The following MEOX2 variants were observed in gnomAD, a reference collection of about 807,000 sequenced individuals.
MEOX2 encodes the protein homeobox protein MOX-2.
In MEOX2, 11 loss-of-function variants were observed where a neutral mutation model predicts 27.0. The ratio of observed to expected loss-of-function variants is 0.41; its 90% confidence interval spans 0.26 to 0.68. The LOEUF (loss-of-function observed/expected upper bound fraction) is 0.68. Ranked by LOEUF, MEOX2 falls within the 30% of genes least tolerant of loss-of-function variation. The pLI is 0.33. For missense variants in MEOX2, 436 were observed against 385.4 expected, an observed-to-expected ratio of 1.13 and a Z score of -1.10; for synonymous variants, 189 against 155.4, an observed-to-expected ratio of 1.22 and a Z score of -1.61.
intron 1 of MEOX2, among the ~76,000 whole-genome samples, chr7:15,657,847 C>T (rs1781848872): frequency 6.6e-6 from 1 of 152,180 alleles, no homozygotes; most frequent in Non-Finnish European, 1.5e-5. Flanking sequence ...CCTTCTGTTT[C>T]AGCAGCTTCT....
intron 1 of MEOX2, chr7:15,675,988 T>C (rs1351698664): frequency 6.6e-6 from 1 of 152,224 alleles, no homozygotes; most frequent in East Asian, 1.9e-4. Flanking sequence ...GTGATTTTAA[T>C]ATAATGCTTG....
chr7:15,652,666 A>T (rs1243324408), intron 1 of MEOX2, among the ~76,000 whole-genome samples: 2 of 152,022 alleles, frequency 1.3e-5, no homozygotes, highest in Non-Finnish European at 2.9e-5. Flanking sequence ...CTATTTCTGC[A>T]AGTTCTCTAT....
intron 1 of MEOX2, among the ~76,000 whole-genome samples, chr7:15,648,726 A>G (rs755482128): frequency 6.6e-6 from 1 of 152,088 alleles, no homozygotes; most frequent in Non-Finnish European, 1.5e-5. Flanking sequence ...CTGAACTAGG[A>G]TGTAGCGAAA....
intron 1 of MEOX2, among the ~76,000 whole-genome samples, chr7:15,646,110 C>A (rs913376802): frequency 2.0e-5 from 3 of 152,000 alleles, no homozygotes; most frequent in Non-Finnish European, 4.4e-5. Context: ...AGAATAGCAA[C>A]AAACTTGGCA....
rs530131998 is a variant in MEOX2 at position 15,666,694 on chromosome 7, G to GT, written c.517+19191dup. 2.3e-4 allele frequency among the ~76,000 whole-genome samples: 32 copies of GT among 140,550 alleles called. No individual in the cohort carries two copies. In the East Asian group the frequency reaches 6.5e-3, roughly 28 times the overall value. 92.2% of individuals were successfully genotyped at this position (140,550 alleles called of 152,430 possible). On this transcript the variant is annotated intron_variant, in intron 1 of 2. Transcript: ENST00000262041. ...TTGAACCTGGGAGGCGGAGGTTGCA[G>GT]TGAGCCGAGATCGTGCCACTGCACT...
At chr7:15,654,855 A>G (rs1411587796) in intron 1 of MEOX2, among the ~76,000 whole-genome samples, 43 of 151,742 alleles carry the variant, frequency 2.8e-4, no homozygotes, top group Non-Finnish European at 8.9e-5. Flanking sequence ...TTCTTCTGTT[A>G]TACTGACTGT....
chr7:15,615,772 G>A (rs917140055), intron 2 of MEOX2, among the ~76,000 whole-genome samples: 1 of 151,986 alleles, frequency 6.6e-6, no homozygotes, highest in African/African-American at 2.4e-5. Flanking sequence ...GACAATTCCA[G>A]ATGGAAGAAA....
At chr7:15,672,106 A>G (rs1782109663) in intron 1 of MEOX2, among the ~76,000 whole-genome samples, 1 of 151,564 alleles carries the variant, frequency 6.6e-6, no homozygotes, top group African/African-American at 2.4e-5. Flanking sequence ...AAAAACAAAA[A>G]AAACAAAAAA....
intron 1 of MEOX2, among the ~76,000 whole-genome samples, chr7:15,669,848 G>GA (rs1033224240): frequency 8.5e-5 from 13 of 152,182 alleles, no homozygotes; most frequent in African/African-American, 3.1e-4. Flanking sequence ...CATCTATTGA[G>GA]AGGCTTTAAA....
chr7:15,658,081 G>C (rs750983245), intron 1 of MEOX2, among the ~76,000 whole-genome samples: 1 of 152,234 alleles, frequency 6.6e-6, no homozygotes, highest in Non-Finnish European at 1.5e-5. Context: ...CTAATACCAC[G>C]GAGTGGGTAG....
chr7:15,635,851 T>C (rs1781471865), intron 1 of MEOX2, among the ~76,000 whole-genome samples: 1 of 151,982 alleles, frequency 6.6e-6, no homozygotes, highest in Admixed American at 6.6e-5. Flanking sequence ...AATTACAATT[T>C]TCCAAGGAAC....
At chr7:15,649,414 T>C (rs73679853) in intron 1 of MEOX2, among the ~76,000 whole-genome samples, 3,939 of 152,098 alleles carry the variant, frequency 0.026, 170 homozygotes, top group African/African-American at 0.089. Context: ...AGAAAAGAGA[T>C]AGAAGCATCT....
chr7:15,676,759 G>A (rs1782199819), intron 1 of MEOX2, among the ~76,000 whole-genome samples: 1 of 151,796 alleles, frequency 6.6e-6, no homozygotes, highest in South Asian at 2.1e-4. Flanking sequence ...TCAGGAGGCT[G>A]AGGCAGGAGA....
chr7:15,682,360 T>C (rs1037211420), intron 1 of MEOX2, among the ~76,000 whole-genome samples: 4 of 151,852 alleles, frequency 2.6e-5, no homozygotes, highest in Non-Finnish European at 4.4e-5. Flanking sequence ...ACTCTGAGTT[T>C]AAGTTCCAAC....
chr7:15,671,154 T>C (rs1782089690), intron 1 of MEOX2, among the ~76,000 whole-genome samples: 1 of 152,198 alleles, frequency 6.6e-6, no homozygotes, highest in Non-Finnish European at 1.5e-5. Context: ...AGCTCCATTC[T>C]AGATGAACTT....
At chr7:15,621,131 C>T (rs1221889603) in intron 2 of MEOX2, among the ~76,000 whole-genome samples, 1 of 152,140 alleles carries the variant, frequency 6.6e-6, no homozygotes, top group East Asian at 1.9e-4. Flanking sequence ...AGACTGAGTT[C>T]TCTGCAAATC....
intron 1 of MEOX2, among the ~76,000 whole-genome samples, chr7:15,637,225 C>A (rs1020565495): frequency 2.6e-5 from 4 of 151,922 alleles, no homozygotes; most frequent in African/African-American, 9.7e-5. Context: ...AATGATACGG[C>A]ATTAAGTTTC....
At chr7:15,660,205 A>G (rs751022887) in intron 1 of MEOX2, among the ~76,000 whole-genome samples, 20 of 152,196 alleles carry the variant, frequency 1.3e-4, no homozygotes, top group Non-Finnish European at 2.4e-4. Context: ...CTAGAAACAC[A>G]AAAGAGCACA....
rs1782393788 is a variant in MEOX2 at position 15,686,655 on chromosome 7, AAAG to A, written c.-256_-254del. 3.9e-6 allele frequency: 2 copies of A among 507,626 alleles called. No homozygotes were observed. The highest frequency in any genetic ancestry group is 6.9e-6 in the Non-Finnish European group (2 of 288,524). The allele number at this position is 507,626 out of a possible 1,614,324, so 31.4% of individuals were successfully genotyped here. On this transcript the variant is annotated 5_prime_UTR_variant, in exon 1 of 3. Coordinates refer to ENST00000262041, the MANE Select transcript of MEOX2 (RefSeq NM_005924.5). ...TCAAGAGTGGGAGAGGTTGAAGCCA[AAAG>A]AAGGTGGTCCCAGAGAACTGCTTTC...
Sources: gnomAD v4.1 joint callset for allele counts (sites outside exome capture counted in the v4.1 genomes callset) on GRCh38, gnomAD v4.1.1 for gene constraint, MANE v1.5 for transcripts, NCBI Gene and HGNC (gene_info 2026-07-23, HGNC 2026-07-21) for gene names.